GALK2: variants seen among roughly 807,000 people sequenced by gnomAD.
GALK2 encodes galactokinase 2.
In GALK2, 36 loss-of-function variants were observed where a neutral mutation model predicts 52.4. The ratio of observed to expected loss-of-function variants is 0.69; its 90% CI spans 0.53 to 0.91. The LOEUF (loss-of-function observed/expected upper bound fraction) is 0.91, where lower values mean the gene tolerates loss of function less well. Ranked by LOEUF, GALK2 falls within the 40% of genes least tolerant of loss-of-function variation. GALK2 has a pLI of 0.00. For synonymous variants in GALK2, 176 were observed against 199.1 expected (o/e 0.88, Z 0.98); for missense variants, 579 against 559.1 (o/e 1.04, Z -0.36).
rs1460451779 is a variant in GALK2, at chr15:49,178,214, T to G, written c.53+7839T>G. Among the ~76,000 whole-genome samples the G allele has an allele frequency of 3.8e-3, 435 of 114,668 alleles. 10 individuals are homozygous for G. Among genetic ancestry groups the G allele is most frequent in the African/African-American group, 0.014 (416 of 30,508 alleles). The allele number at this position is 114,668 out of a possible 152,430, so 75.2% of individuals were successfully genotyped here. Reference sequence around the variant, plus strand: ...GAAATACTATATATATATATATATATATATATATATATAGAAATAAAATGT... The same window carrying G: ...GAAATACTATATATATATATATATAGATATATATATATAGAAATAAAATGT... On this transcript the variant is annotated intron_variant, in intron 1 of 9. Transcript: ENST00000560031.
At chr15:49,352,156 G>C (rs1400946076) in intron 3 of GALK2, among the ~76,000 whole-genome samples, 1 of 152,142 alleles carries the variant, frequency 6.6e-6, no homozygotes, top group Non-Finnish European at 1.5e-5. Flanking sequence ...GTCTGAACTT[G>C]TTACTCATAT....
chr15:49,190,682 C>T (rs2086665320), intron 1 of GALK2, among the ~76,000 whole-genome samples: 1 of 152,278 alleles, frequency 6.6e-6, no homozygotes, highest in East Asian at 1.9e-4. Context: ...GAAAACCTAA[C>T]TTAAGAGGAT....
At chr15:49,362,079 T>G (rs1018070400) in intron 3 of GALK2, among the ~76,000 whole-genome samples, 6 of 152,152 alleles carry the variant, frequency 3.9e-5, no homozygotes, top group African/African-American at 1.4e-4. Context: ...TTTTGCCCAC[T>G]TCTTAATGGG....
At chr15:49,172,996 A>G (rs1192704660) in intron 1 of GALK2, among the ~76,000 whole-genome samples, 1 of 152,234 alleles carries the variant, frequency 6.6e-6, no homozygotes, top group East Asian at 1.9e-4. Context: ...CCATAATCAA[A>G]TTTAGAACGT....
rs1038755200 is a variant in GALK2, at chr15:49,304,198, G to C, written c.967+11661G>C. Among the ~76,000 whole-genome samples the C allele has an allele frequency of 3.9e-5, 6 of 152,106 alleles. No homozygotes were observed. The East Asian group carries it at 1.2e-3, about 29-fold the overall frequency. On this transcript the variant is annotated intron_variant, in intron 8 of 9. Transcript: ENST00000560031. ...ACTTATGCTTTCATTTTTACATTTTGTAGGTTTCCACATAAGTAAGTGTTC... is the reference window on the plus strand; with the variant it reads ...ACTTATGCTTTCATTTTTACATTTTCTAGGTTTCCACATAAGTAAGTGTTC...
At position 49,356,941 on chromosome 15, in the gene GALK2, C is replaced by T. The variant is rs1340324699; in HGVS notation, c.427-10550C>T. 1.7e-4 allele frequency among the ~76,000 whole-genome samples: 26 copies of T among 148,628 alleles called. No individual in the cohort carries two copies. The South Asian group carries it at 3.5e-3, about 20-fold the overall frequency. On this transcript the variant is annotated intron_variant, in intron 3 of 3. Transcript: ENST00000558399. The stretch of plus-strand genomic sequence containing the variant: ...CAGGATTAAGAATCTCACTCAAAAC[C>T]GCTCCACTACATGGAAACTGAACAA...
intron 3 of GALK2, among the ~76,000 whole-genome samples, chr15:49,355,597 A>G (rs1397225256): frequency 6.6e-6 from 1 of 152,216 alleles, no homozygotes; most frequent in Non-Finnish European, 1.5e-5. Context: ...ATGTGAAAAG[A>G]CCAAATCTAC....
intron 2 of GALK2, among the ~76,000 whole-genome samples, chr15:49,203,599 C>T (rs1284380273): frequency 6.6e-6 from 1 of 152,094 alleles, no homozygotes; most frequent in East Asian, 1.9e-4. Flanking sequence ...AAATCTTTGC[C>T]TAGACCAATG....
chr15:49,205,139 A>G (rs1002183834), intron 2 of GALK2, among the ~76,000 whole-genome samples: 2 of 152,044 alleles, frequency 1.3e-5, no homozygotes, highest in East Asian at 1.9e-4. Flanking sequence ...GGTTGGTTCC[A>G]TAATACCAAT....
intron 3 of GALK2, among the ~76,000 whole-genome samples, chr15:49,340,035 G>T (rs943010250): frequency 6.6e-6 from 1 of 152,154 alleles, no homozygotes; most frequent in African/African-American, 2.4e-5. Context: ...CAAGCCAGTG[G>T]ATCTTAACTT....
chr15:49,363,607 C>G (rs1248213395), intron 3 of GALK2, among the ~76,000 whole-genome samples: 1 of 152,050 alleles, frequency 6.6e-6, no homozygotes, highest in Non-Finnish European at 1.5e-5. Flanking sequence ...TATTTGAATG[C>G]CTTTTACTTC....
chr15:49,326,926 A>G (rs2037602833), intron 9 of GALK2: 1 of 152,166 alleles, frequency 6.6e-6, no homozygotes. Context: ...CAGGAAGTAA[A>G]ATATCTCATT....
chr15:49,283,807 A>G, intron 7 of GALK2, 89 bp downstream of exon 7: 6 of 1,351,760 alleles, frequency 4.4e-6, no homozygotes, highest in Admixed American at 2.0e-5. Context: ...TCTTTCCCCA[A>G]ATTTTAGGGC....
At chr15:49,252,659 A>G (rs1431967436) in intron 5 of GALK2, among the ~76,000 whole-genome samples, 1 of 147,498 alleles carries the variant, frequency 6.8e-6, no homozygotes, top group East Asian at 1.9e-4. Flanking sequence ...GTAGACAATT[A>G]TTTTCATACT....
At chr15:49,206,780 C>T (rs1356040917) in intron 2 of GALK2, among the ~76,000 whole-genome samples, 1 of 152,066 alleles carries the variant, frequency 6.6e-6, no homozygotes, top group Admixed American at 6.6e-5. Context: ...GTATCATCAG[C>T]AAACAGTGAC....
Position 49,330,193 on chromosome 15 carries a change from A to G in GALK2, c.*2034A>G, listed in dbSNP as rs1466368298. 2 of 152,276 alleles carry G rather than the reference A, an allele frequency of 1.3e-5. No homozygotes were observed. Among genetic ancestry groups the G allele is most frequent in the Non-Finnish European group, 2.9e-5 (2 of 68,098 alleles). The allele number at this position is 152,276 out of a possible 1,614,324, so 9.4% of individuals were successfully genotyped here. Reference sequence around the variant, plus strand: ...TGAGCAAAGCCTATGGGTATAGGCAAACATGGTGTGTGTAGGAGGCTCAGT... The same window carrying G: ...TGAGCAAAGCCTATGGGTATAGGCAGACATGGTGTGTGTAGGAGGCTCAGT... On this transcript the variant is annotated 3_prime_UTR_variant, in exon 10 of 10. Transcript: ENST00000560031.
intron 1 of GALK2, among the ~76,000 whole-genome samples, chr15:49,157,294 G>C (rs370730212): frequency 6.6e-6 from 1 of 152,090 alleles, no homozygotes; most frequent in African/African-American, 2.4e-5. Flanking sequence ...TTTCTTGCTA[G>C]GGAAAGAGAC....
chr15:49,226,328 G>A (rs1311863135), intron 3 of GALK2, among the ~76,000 whole-genome samples: 2 of 152,170 alleles, frequency 1.3e-5, no homozygotes, highest in African/African-American at 2.4e-5. Flanking sequence ...TCAGGGCTGA[G>A]CATGAGCCCT....
Position 49,348,146 on chromosome 15 carries a change from T to G in GALK2, c.427-19345T>G, listed in dbSNP as rs1180002858. On this transcript the variant is annotated intron_variant, in intron 3 of 3. Transcript: ENST00000558399. ...TCCCTGATAAGGCTGGATAAACAAGTTGTTGATTTACAGAAATTCCAGCAT... is the reference window on the plus strand; with the variant it reads ...TCCCTGATAAGGCTGGATAAACAAGGTGTTGATTTACAGAAATTCCAGCAT... Among the ~76,000 whole-genome samples, 7 of 152,094 alleles carry G rather than the reference T, an allele frequency of 4.6e-5. No individual in the cohort carries two copies. The South Asian group carries it at 1.5e-3, about 32-fold the overall frequency.
Sources: allele counts gnomAD v4.1 joint callset (sites outside exome capture counted in the v4.1 genomes callset), GRCh38; gene constraint gnomAD v4.1.1; transcripts MANE v1.5; gene names NCBI Gene and HGNC (gene_info 2026-07-23, HGNC 2026-07-21).